The following ADGRF5 variants were observed in gnomAD, a reference collection of about 807,000 sequenced individuals.
The protein encoded by ADGRF5 is G-protein coupled receptor 116.
ADGRF5 carries 75 observed loss-of-function variants against 132.3 expected under a neutral mutation model. The observed-to-expected ratio is 0.57, with a 90% CI of 0.47 to 0.69. ADGRF5 has a LOEUF of 0.69. ADGRF5 is among the 30% of genes least tolerant of loss of function. The pLI is 0.00. For missense variants in ADGRF5, 1,516 were observed against 1,630.6 expected, an observed-to-expected ratio of 0.93 and a Z score of 1.21; for synonymous variants, 629 against 597.6, an observed-to-expected ratio of 1.05 and a Z score of -0.77.
chr6:46,865,694 T>C (rs150586041), intron 13 of ADGRF5, among the ~76,000 whole-genome samples: 91 of 152,344 alleles, frequency 6.0e-4, no homozygotes, highest in African/African-American at 2.0e-3. Context: ...AAATGCTGCA[T>C]ATGTCAAAAT....
intron 3 of ADGRF5, among the ~76,000 whole-genome samples, chr6:46,895,161 A>G (rs1581893537): frequency 6.6e-6 from 1 of 152,166 alleles, no homozygotes; most frequent in Admixed American, 6.5e-5. Context: ...TGAGTGACAC[A>G]GTGAGACTCT....
At chr6:46,932,193 A>G (rs1239862544) in intron 1 of ADGRF5, among the ~76,000 whole-genome samples, 1 of 152,224 alleles carries the variant, frequency 6.6e-6, no homozygotes, top group Non-Finnish European at 1.5e-5. Flanking sequence ...AAGAAAGAAC[A>G]AATTGAACAC....
chr6:46,852,692 C>A lies in ADGRF5; in HGVS notation c.*1300G>T, dbSNP rs1768622588. On this transcript the variant is annotated 3_prime_UTR_variant, in exon 21 of 21. Coordinates refer to ENST00000283296, the MANE Select transcript of ADGRF5 (RefSeq NM_001098518.2). ...AACAATCAAATCCTTGGGAAAGGCTCTGCCATTTGTTCAACAAGGTCAAGT... is the reference window on the plus strand; with the variant it reads ...AACAATCAAATCCTTGGGAAAGGCTATGCCATTTGTTCAACAAGGTCAAGT... The A allele has an allele frequency of 6.6e-6, 1 of 152,198 alleles. No homozygotes were observed. The highest frequency in any genetic ancestry group is 2.4e-5 in the African/African-American group (1 of 41,440). 9.4% of individuals were successfully genotyped at this position (152,198 alleles called of 1,614,324 possible). A position where few individuals can be genotyped will look rare whatever the true frequency, so the allele number is the denominator to read the frequency against.
chr6:46,874,439 T>A (rs537975670), intron 10 of ADGRF5, among the ~76,000 whole-genome samples: 1 of 152,162 alleles, frequency 6.6e-6, no homozygotes, highest in East Asian at 1.9e-4. Context: ...TATAAACAGA[T>A]GTACAGAAAT....
intron 9 of ADGRF5, among the ~76,000 whole-genome samples, chr6:46,879,007 G>C (rs1772140821): frequency 6.6e-6 from 1 of 152,142 alleles, no homozygotes; most frequent in Non-Finnish European, 1.5e-5. Flanking sequence ...AATTTGGTGA[G>C]GGCAGGGAGA....
Position 46,884,228 on chromosome 6 carries a change from T to C in ADGRF5, c.372A>G (p.Thr124=), listed in dbSNP as rs778147890. Residue 124 remains threonine, a synonymous_variant, in exon 5 of 21, where the codon ACA becomes ACG. Coordinates refer to ENST00000283296, the MANE Select transcript of ADGRF5 (RefSeq NM_001098518.2). ...AGNEIWCSCE[T]GYGWPRERCL... is the part of the protein sequence containing the mutation. ...ACCTTTCCCGAGGCCACCCATAACC[T>C]GTCTCGCAGGAGCACCAGATTTCAT... is the stretch of plus-strand genomic sequence containing the variant. 5 of 1,613,756 alleles carry C rather than the reference T, an allele frequency of 3.1e-6. No homozygotes were observed. Among genetic ancestry groups the C allele is most frequent in the Non-Finnish European group, 4.2e-6 (5 of 1,179,674 alleles).
In ADGRF5 at chr6:46,953,663, A is replaced by G. The variant is rs1268795796; in HGVS notation, c.-25+1071T>C. Among the ~76,000 whole-genome samples the G allele has an allele frequency of 1.6e-3, 210 of 127,702 alleles. 5 individuals are homozygous for G. The highest frequency in any genetic ancestry group is 6.8e-3 in the African/African-American group (203 of 29,964). 83.8% of individuals were successfully genotyped at this position (127,702 alleles called of 152,430 possible). On this transcript the variant is annotated intron_variant, in intron 1 of 20. Transcript: ENST00000265417. Reference sequence around the variant, plus strand: ...TATAGATATATGTGTATATATATATATATATATATATATATATATATATAT... The same window carrying G: ...TATAGATATATGTGTATATATATATGTATATATATATATATATATATATAT...
At chr6:46,930,539 G>T (rs182648132) in intron 1 of ADGRF5, among the ~76,000 whole-genome samples, 1 of 152,112 alleles carries the variant, frequency 6.6e-6, no homozygotes, top group Admixed American at 6.5e-5. Context: ...ATGGTGTGGG[G>T]ATGGTATTTC....
At position 46,853,021 on chromosome 6, in the gene ADGRF5, T is replaced by C. The variant is rs1181628200; in HGVS notation, c.*971A>G. 6.6e-6 allele frequency: 1 copy of C among 152,658 alleles called. No individual in the cohort carries two copies. The highest frequency in any genetic ancestry group is 2.4e-5 in the African/African-American group (1 of 41,466). The allele number at this position is 152,658 out of a possible 1,614,324, so 9.5% of individuals were successfully genotyped here. On this transcript the variant is annotated 3_prime_UTR_variant, in exon 21 of 21. Transcript: ENST00000283296. Reference sequence around the variant, plus strand: ...AATATATGACAGGGTCTGTCTTCAGTGCAACATATCAAATTTGGCAATTGA... The same window carrying C: ...AATATATGACAGGGTCTGTCTTCAGCGCAACATATCAAATTTGGCAATTGA...
chr6:46,896,072 A>G (rs1460226992), intron 3 of ADGRF5, among the ~76,000 whole-genome samples: 2 of 152,062 alleles, frequency 1.3e-5, no homozygotes, highest in African/African-American at 4.8e-5. Flanking sequence ...ATCTTACTCC[A>G]TGGCAGAGTC....
chr6:46,931,754 G>T (rs1777566690), intron 1 of ADGRF5, among the ~76,000 whole-genome samples: 1 of 152,090 alleles, frequency 6.6e-6, no homozygotes, highest in Non-Finnish European at 1.5e-5. Flanking sequence ...AAGACTGAGG[G>T]TTTGCATCTC....
chr6:46,921,262 GCTCC>G (rs112187994), intron 1 of ADGRF5, among the ~76,000 whole-genome samples: 1,564 of 152,272 alleles, frequency 0.01, 28 homozygotes, highest in African/African-American at 0.035. Flanking sequence ...AATAGCCAGG[GCTCC>G]CTCCTCCTGC....
At chr6:46,929,768 C>T (rs1777463712) in intron 1 of ADGRF5, among the ~76,000 whole-genome samples, 1 of 151,910 alleles carries the variant, frequency 6.6e-6, no homozygotes. Flanking sequence ...TAAATTAGCT[C>T]AATGTTTCCA....
upstream of ADGRF5, among the ~76,000 whole-genome samples, chr6:46,924,737 G>T (rs1053717059): frequency 6.6e-6 from 1 of 152,158 alleles, no homozygotes; most frequent in African/African-American, 2.4e-5. Flanking sequence ...TATACCATCA[G>T]TCTCTCCCAT....
rs1261858532 is a variant in ADGRF5 at position 46,881,564 on chromosome 6, C to T, written c.705G>A (p.Lys235=). The change falls in exon 8 of 21, where the codon AAG becomes AAA. Residue 235 remains lysine (K), a synonymous_variant. Coordinates refer to ENST00000283296, the MANE Select transcript of ADGRF5 (RefSeq NM_001098518.2). ...TTAACTCAAGTGATGGTGGTGTAGT[C>T]TTGACTTCATATGTCACAACCACAC... The part of the protein sequence containing the change: ...SGSVVVTYEV[K]TTPPSLELIH... 1.2e-6 allele frequency: 2 copies of T among 1,613,678 alleles called. No individual in the cohort carries two copies. The highest frequency in any genetic ancestry group is 1.3e-5 in the African/African-American group (1 of 74,898).
chr6:46,919,440 T>C (rs1286894712), intron 1 of ADGRF5, among the ~76,000 whole-genome samples: 1 of 152,188 alleles, frequency 6.6e-6, no homozygotes. Flanking sequence ...AAAAGTTGCA[T>C]ATAAATACAA....
intron 1 of ADGRF5, among the ~76,000 whole-genome samples, chr6:46,920,841 C>A (rs112729014): frequency 6.6e-6 from 1 of 151,568 alleles, no homozygotes; most frequent in South Asian, 2.1e-4. Context: ...CCAACCTGGG[C>A]GACAGAGCAA....
chr6:46,942,592 C>G (rs1394902731), intron 1 of ADGRF5, among the ~76,000 whole-genome samples: 1 of 152,160 alleles, frequency 6.6e-6, no homozygotes, highest in Admixed American at 6.5e-5. Context: ...TAGAGCAGAA[C>G]TTGTGAGTAT....
intron 7 of ADGRF5, 39 bp from the exon 8 acceptor site, chr6:46,881,636 A>T (rs1340900454): frequency 1.3e-6 from 2 of 1,590,454 alleles, no homozygotes; most frequent in Admixed American, 3.4e-5. Flanking sequence ...ACAATAACTG[A>T]CCTGGAAGAG....
Sources: allele counts gnomAD v4.1 joint callset (sites outside exome capture counted in the v4.1 genomes callset), GRCh38; gene constraint gnomAD v4.1.1; transcripts MANE v1.5; gene names NCBI Gene and HGNC (gene_info 2026-07-23, HGNC 2026-07-21).